The following CNTNAP4 variants were observed in gnomAD, a reference collection of about 807,000 sequenced individuals.
The protein encoded by CNTNAP4 is contactin associated protein family member 4, also known as contactin-associated protein-like 4.
In CNTNAP4, 98 loss-of-function variants were observed where a neutral mutation model predicts 148.4. The observed-to-expected ratio is 0.66, with a 90% CI of 0.56 to 0.78. CNTNAP4 has a LOEUF of 0.78. Among genes scored for constraint, CNTNAP4 ranks in the 30% least tolerant of loss-of-function variants. CNTNAP4 has a pLI of 0.00. For missense variants in CNTNAP4, 1,935 were observed against 1,565.6 expected (o/e 1.24, Z -3.98); for synonymous variants, 730 against 565.1 (o/e 1.29, Z -4.14).
intron 2 of CNTNAP4, among the ~76,000 whole-genome samples, chr16:76,317,186 T>G (rs149079305): frequency 2.9e-4 from 43 of 148,982 alleles, no homozygotes; most frequent in African/African-American, 8.7e-4. Flanking sequence ...AACTCAGAAG[T>G]TGGAGACAGT....
At chr16:76,536,668 G>T (rs189197467) in intron 18 of CNTNAP4, among the ~76,000 whole-genome samples, 1 of 152,050 alleles carries the variant, frequency 6.6e-6, no homozygotes, top group South Asian at 2.1e-4. Context: ...ACATTTTATT[G>T]TATGATATGT....
chr16:76,369,909 T>C (rs892391144), intron 3 of CNTNAP4, among the ~76,000 whole-genome samples: 3 of 152,144 alleles, frequency 2.0e-5, no homozygotes, highest in African/African-American at 4.8e-5. Context: ...TGTTCTATTT[T>C]AGCCTTCAAT....
intron 14 of CNTNAP4, among the ~76,000 whole-genome samples, chr16:76,496,228 T>C (rs897498064): frequency 2.0e-5 from 3 of 151,922 alleles, no homozygotes; most frequent in African/African-American, 7.2e-5. Context: ...GGCACCCTTT[T>C]CTTATCACTA....
chr16:76,548,295 C>CA (rs759580311), intron 21 of CNTNAP4, among the ~76,000 whole-genome samples: 9,354 of 93,602 alleles, frequency 0.1, 633 homozygotes, highest in East Asian at 0.25. Context: ...TTCACTGCAC[C>CA]TTTTTTTTTT....
intron 21 of CNTNAP4, among the ~76,000 whole-genome samples, chr16:76,544,794 T>A (rs1039405449): frequency 6.6e-6 from 1 of 152,220 alleles, no homozygotes; most frequent in African/African-American, 2.4e-5. Context: ...GATACGGTGG[T>A]CCATAATAAT....
chr16:76,538,403 G>A (rs1043623649), intron 19 of CNTNAP4, 63 bp downstream of exon 19: 2 of 1,207,964 alleles, frequency 1.7e-6, no homozygotes, highest in Non-Finnish European at 2.4e-6. Context: ...TAATAATATG[G>A]ATCATTCTCG....
intron 10 of CNTNAP4, chr16:76,469,686 A>G (rs2143529388): frequency 6.6e-6 from 1 of 152,350 alleles, no homozygotes; most frequent in South Asian, 2.1e-4. Context: ...GACCATCAGC[A>G]CATTTGGAGA....
intron 8 of CNTNAP4, among the ~76,000 whole-genome samples, chr16:76,457,743 A>G (rs948046404): frequency 3.9e-5 from 6 of 152,176 alleles, no homozygotes; most frequent in Non-Finnish European, 7.3e-5. Context: ...TGCAACATCT[A>G]AGCACATGGT....
chr16:76,544,864 T>G (rs1321799721), intron 21 of CNTNAP4, among the ~76,000 whole-genome samples: 4 of 152,162 alleles, frequency 2.6e-5, no homozygotes, highest in Non-Finnish European at 5.9e-5. Flanking sequence ...GCAGTGGAGA[T>G]TTAGGCCAGA....
intron 15 of CNTNAP4, among the ~76,000 whole-genome samples, chr16:76,515,350 A>G (rs8051185): frequency 0.26 from 39,045 of 152,032 alleles, 5,602 homozygotes; most frequent in East Asian, 0.39. Flanking sequence ...GCCTTTAAGG[A>G]GATCATTAAG....
At chr16:76,451,120 G>C (rs2080456667) in intron 7 of CNTNAP4, among the ~76,000 whole-genome samples, 1 of 152,166 alleles carries the variant, frequency 6.6e-6, no homozygotes, top group South Asian at 2.1e-4. Context: ...AGGAAGAAGA[G>C]ATGGGCCATA....
chr16:76,489,368 A>G (rs907293725), intron 12 of CNTNAP4, among the ~76,000 whole-genome samples: 3 of 152,206 alleles, frequency 2.0e-5, no homozygotes, highest in Admixed American at 6.5e-5. Context: ...ATCGATTTCA[A>G]TGAAATAAAA....
intron 15 of CNTNAP4, 26 bp from the exon 16 acceptor site, chr16:76,521,114 T>G: frequency 7.0e-7 from 1 of 1,424,968 alleles, no homozygotes; most frequent in Non-Finnish European, 9.1e-7. Flanking sequence ...CTGAATTTTT[T>G]TTTCTTTTTT....
intron 2 of CNTNAP4, among the ~76,000 whole-genome samples, chr16:76,350,299 CA>C (rs2144444968): frequency 6.6e-6 from 1 of 152,144 alleles, no homozygotes; most frequent in South Asian, 2.1e-4. Context: ...AAAGTATTTG[CA>C]TAGTATTGGG....
chr16:76,542,016 C>A (rs1010914342), intron 21 of CNTNAP4, among the ~76,000 whole-genome samples: 4 of 152,142 alleles, frequency 2.6e-5, no homozygotes, highest in Non-Finnish European at 5.9e-5. Context: ...ACATATTTAG[C>A]ATGAAATGAC....
chr16:76,491,521 C>T (rs2082220968), intron 13 of CNTNAP4, among the ~76,000 whole-genome samples: 1 of 152,206 alleles, frequency 6.6e-6, no homozygotes, highest in Non-Finnish European at 1.5e-5. Flanking sequence ...TCATTTCCAG[C>T]TCTCCAGGGC....
intron 7 of CNTNAP4, among the ~76,000 whole-genome samples, chr16:76,450,755 G>C (rs1238211049): frequency 1.3e-5 from 2 of 152,118 alleles, no homozygotes; most frequent in African/African-American, 4.8e-5. Context: ...TAATTCTGTG[G>C]AAACGGGGAC....
chr16:76,467,572 A>G (rs1172658200), intron 10 of CNTNAP4, 49 bp downstream of exon 10: 1 of 1,470,388 alleles, frequency 6.8e-7, no homozygotes, highest in Non-Finnish European at 9.2e-7. Context: ...CTTTGGCATC[A>G]GATTAAAATT....
At chr16:76,468,951 A>T (rs1333244854) in intron 10 of CNTNAP4, among the ~76,000 whole-genome samples, 4 of 152,170 alleles carry the variant, frequency 2.6e-5, no homozygotes, top group Non-Finnish European at 5.9e-5. Context: ...CCCTGTAGTA[A>T]TGTTCAATAT....
Sources: gnomAD v4.1 joint callset for allele counts (sites outside exome capture counted in the v4.1 genomes callset) on GRCh38, gnomAD v4.1.1 for gene constraint, MANE v1.5 for transcripts, NCBI Gene and HGNC (gene_info 2026-07-23, HGNC 2026-07-21) for gene names.